Variants in ZBTB7C observed in about 807,000 individuals in gnomAD.
ZBTB7C encodes zinc finger and BTB domain containing 7C.
In ZBTB7C, 8 loss-of-function variants were observed where a neutral mutation model predicts 25.7. The observed-to-expected ratio is 0.31, with a 90% CI of 0.18 to 0.56. The LOEUF (loss-of-function observed/expected upper bound fraction) is 0.56, where lower values mean the gene tolerates loss of function less well. Among genes scored for constraint, ZBTB7C ranks in the 20% least tolerant of loss-of-function variants. The pLI is 0.91. For synonymous variants in ZBTB7C, 394 were observed against 369.0 expected (o/e 1.07, Z -0.78); for missense variants, 824 against 855.2 (o/e 0.96, Z 0.46).
At chr18:48,192,181 C>T (rs946774909) in intron 2 of ZBTB7C, among the ~76,000 whole-genome samples, 2 of 152,136 alleles carry the variant, frequency 1.3e-5, no homozygotes, top group South Asian at 4.2e-4. Context: ...TACTAAAAAA[C>T]ATGAAAGCAG....
chr18:48,065,215 A>T (rs1360713723), intron 3 of ZBTB7C, among the ~76,000 whole-genome samples: 23 of 152,034 alleles, frequency 1.5e-4, no homozygotes, highest in Admixed American at 1.5e-3. Context: ...AGTGAGTGAC[A>T]GTTAGCAGCA....
intron 1 of ZBTB7C, among the ~76,000 whole-genome samples, chr18:48,370,092 A>G (rs2047350639): frequency 6.6e-6 from 1 of 152,230 alleles, no homozygotes; most frequent in South Asian, 2.1e-4. Context: ...TAACAGCAAG[A>G]TAAGAGTAAA....
rs368943125 is a variant in ZBTB7C, at chr18:48,223,584, C to T, written c.-78-37589G>A. Among the ~76,000 whole-genome samples the T allele has an allele frequency of 3.7e-4, 56 of 152,206 alleles. 1 individual carries two copies. Among genetic ancestry groups the T allele is most frequent in the African/African-American group, 1.3e-3 (54 of 41,532 alleles). ...CCCTAGACACGTGTGCACACATTGG[C>T]GGGGAGTGTGTGTAGGAGGGGTGAG... On this transcript the variant is annotated intron_variant, in intron 2 of 4. Transcript: ENST00000590800.
chr18:48,167,599 C>CGT (rs1259420820), intron 3 of ZBTB7C, among the ~76,000 whole-genome samples: 42 of 92,816 alleles, frequency 4.5e-4, no homozygotes, highest in African/African-American at 9.4e-4. Context: ...TGTGTGTGTG[C>CGT]GCGCGTGCAC....
intron 2 of ZBTB7C, among the ~76,000 whole-genome samples, chr18:48,305,556 C>G (rs1293591069): frequency 6.6e-6 from 1 of 152,170 alleles, no homozygotes; most frequent in Non-Finnish European, 1.5e-5. Context: ...GGTGATACCC[C>G]TCCTGGGTGC....
intron 1 of ZBTB7C, among the ~76,000 whole-genome samples, chr18:48,376,256 T>TA (rs2047516224): frequency 6.6e-6 from 1 of 152,238 alleles, no homozygotes; most frequent in Non-Finnish European, 1.5e-5. Flanking sequence ...TTAAATATCT[T>TA]AACCTAACAC....
chr18:48,231,072 C>T (rs559791383), intron 2 of ZBTB7C, among the ~76,000 whole-genome samples: 1 of 152,308 alleles, frequency 6.6e-6, no homozygotes, highest in South Asian at 2.1e-4. Context: ...TTGGTGCAGG[C>T]TTGCAGGCAC....
At chr18:48,318,783 C>A (rs2046015892) in intron 2 of ZBTB7C, among the ~76,000 whole-genome samples, 1 of 152,200 alleles carries the variant, frequency 6.6e-6, no homozygotes, top group South Asian at 2.1e-4. Context: ...CCAAGAAGGG[C>A]ACTCCTGAGT....
chr18:48,081,824 A>G (rs2037997416), intron 3 of ZBTB7C, among the ~76,000 whole-genome samples: 1 of 152,206 alleles, frequency 6.6e-6, no homozygotes, highest in Non-Finnish European at 1.5e-5. Flanking sequence ...TCAAACTGAG[A>G]TGAGCTGCAA....
chr18:48,131,913 C>T (rs975977433), intron 3 of ZBTB7C, among the ~76,000 whole-genome samples: 39 of 152,130 alleles, frequency 2.6e-4, no homozygotes, highest in African/African-American at 8.9e-4. Flanking sequence ...TATGGAGAAA[C>T]TGGAACCATC....
intron 3 of ZBTB7C, among the ~76,000 whole-genome samples, chr18:48,128,581 AT>A (rs1454348073): frequency 6.6e-6 from 1 of 152,284 alleles, no homozygotes; most frequent in Non-Finnish European, 1.5e-5. Context: ...GGAAGCCGTT[AT>A]TCTAAGTGAA....
intron 3 of ZBTB7C, among the ~76,000 whole-genome samples, chr18:48,057,772 T>C (rs1022613369): frequency 6.6e-6 from 1 of 152,228 alleles, no homozygotes; most frequent in Non-Finnish European, 1.5e-5. Flanking sequence ...TCTCAGTTTT[T>C]CTGTCTGTAA....
chr18:48,379,865 C>T (rs1555755241), intron 1 of ZBTB7C, among the ~76,000 whole-genome samples: 1 of 152,128 alleles, frequency 6.6e-6, no homozygotes, highest in Non-Finnish European at 1.5e-5. Context: ...CAAATAAGTA[C>T]ATGAAAAGAT....
intron 3 of ZBTB7C, among the ~76,000 whole-genome samples, chr18:48,082,140 T>C (rs1399630746): frequency 3.3e-5 from 5 of 152,124 alleles, no homozygotes; most frequent in Admixed American, 2.6e-4. Context: ...CCAAGTGAGT[T>C]GAAATTAAAA....
chr18:48,220,121 C>A (rs574415394), intron 2 of ZBTB7C, among the ~76,000 whole-genome samples: 31 of 151,828 alleles, frequency 2.0e-4, no homozygotes, highest in African/African-American at 7.5e-4. Context: ...GACCAGAGAT[C>A]CCAGGCCCCA....
At chr18:48,329,236 G>A (rs1338878950) in intron 2 of ZBTB7C, among the ~76,000 whole-genome samples, 1 of 152,198 alleles carries the variant, frequency 6.6e-6, no homozygotes, top group Non-Finnish European at 1.5e-5. Flanking sequence ...CACTGAGCTT[G>A]GAAGGCCCAG....
At chr18:48,323,171 CA>C (rs900466977) in intron 2 of ZBTB7C, among the ~76,000 whole-genome samples, 4 of 151,816 alleles carry the variant, frequency 2.6e-5, no homozygotes, top group Non-Finnish European at 5.9e-5. Flanking sequence ...ACCTGTTCCC[CA>C]AAAACCTATG....
At chr18:48,336,957 C>T (rs2046470710) in intron 2 of ZBTB7C, among the ~76,000 whole-genome samples, 2 of 152,192 alleles carry the variant, frequency 1.3e-5, no homozygotes, top group African/African-American at 4.8e-5. Context: ...CTACCCCTTG[C>T]CAGAGACCCT....
intron 3 of ZBTB7C, among the ~76,000 whole-genome samples, chr18:48,086,470 T>C (rs545050211): frequency 6.6e-6 from 1 of 152,264 alleles, no homozygotes; most frequent in Non-Finnish European, 1.5e-5. Flanking sequence ...TCTAGATCAT[T>C]TTCTGTTTCC....
Sources: allele counts gnomAD v4.1 joint callset (sites outside exome capture counted in the v4.1 genomes callset), GRCh38; gene constraint gnomAD v4.1.1; transcripts MANE v1.5; gene names NCBI Gene and HGNC (gene_info 2026-07-23, HGNC 2026-07-21).